DNAH8: variants seen among roughly 807,000 people sequenced by gnomAD.
The protein encoded by DNAH8 is axonemal beta dynein heavy chain 8.
A neutral mutation model predicts 562.1 loss-of-function variants in DNAH8; 382 were observed. The observed-to-expected ratio is 0.68, with a 90% CI of 0.63 to 0.74. The LOEUF (loss-of-function observed/expected upper bound fraction) is 0.74. Among genes scored for constraint, DNAH8 ranks in the 30% least tolerant of loss-of-function variants. The pLI is 0.00. For missense variants in DNAH8, 5,203 were observed against 5,620.4 expected, an observed-to-expected ratio of 0.93 and a Z score of 2.37; for synonymous variants, 1,881 against 1,919.4, an observed-to-expected ratio of 0.98 and a Z score of 0.52.
chr6:38,848,356 C>A lies in DNAH8; in HGVS notation c.5046-292C>A, dbSNP rs559913126. Among the ~76,000 whole-genome samples the A allele has an allele frequency of 1.9e-4, 29 of 152,246 alleles. No individual in the cohort carries two copies. The South Asian group carries it at 5.2e-3, about 27-fold the overall frequency. ...TTATTCCTTGCTTGGCATTTACTCC[C>A]AGAAGCAACCAGCACAGTTCCTTTG... On this transcript the variant is annotated intron_variant, in intron 36 of 92. Transcript: ENST00000327475.
At position 38,791,785 on chromosome 6, in the gene DNAH8, T is replaced by TG. The variant is rs1390898447; in HGVS notation, c.2901+111_2901+112insG. 1.8e-5 allele frequency: 20 copies of TG among 1,098,068 alleles called. No homozygotes were observed. In the South Asian group the frequency reaches 1.8e-4, roughly 10 times the overall value. The allele number at this position is 1,098,068 out of a possible 1,614,324, so 68.0% of individuals were successfully genotyped here. A position where few individuals can be genotyped will look rare whatever the true frequency, so the allele number is the denominator to read the frequency against. On this transcript the variant is annotated intron_variant, in intron 21 of 92. Transcript: ENST00000327475. The stretch of plus-strand genomic sequence containing the variant: ...TGGGTCAGTAGCATTTAGACTTTTT[T>TG]TTTTTGTTTTTTGTGAACATTCTCT...
intron 82 of DNAH8, among the ~76,000 whole-genome samples, chr6:38,954,335 G>A (rs2150644692): frequency 6.6e-6 from 1 of 152,200 alleles, no homozygotes; most frequent in Middle Eastern, 3.4e-3. Context: ...GTAGTAGTGG[G>A]AAAACTGATA....
At chr6:38,904,302 A>G (rs926132663) in intron 62 of DNAH8, among the ~76,000 whole-genome samples, 2 of 152,178 alleles carry the variant, frequency 1.3e-5, no homozygotes, top group Non-Finnish European at 2.9e-5. Flanking sequence ...TAGAAGTCTC[A>G]GTAGAGAGGA....
At chr6:38,875,564 A>G (rs779428931) in intron 52 of DNAH8, 27 bp from the exon 53 acceptor site, 2 of 1,334,050 alleles carry the variant, frequency 1.5e-6, no homozygotes, top group Non-Finnish European at 2.0e-6. Context: ...TTAATTTAAA[A>G]ATTTATTTTA....
intron 88 of DNAH8, among the ~76,000 whole-genome samples, chr6:39,006,359 A>G (rs1765799655): frequency 6.6e-6 from 1 of 152,202 alleles, no homozygotes; most frequent in Non-Finnish European, 1.5e-5. Context: ...TCATGTTTAT[A>G]GTTTCCTCTT....
At chr6:38,993,279 A>G (rs1764913402) in intron 88 of DNAH8, among the ~76,000 whole-genome samples, 1 of 152,208 alleles carries the variant, frequency 6.6e-6, no homozygotes, top group Non-Finnish European at 1.5e-5. Context: ...GTAGAGGTCA[A>G]GATTTCTTTG....
chr6:38,929,741 A>C lies in DNAH8; in HGVS notation c.11274+75A>C, dbSNP rs146583238. 1.2e-3 allele frequency: 1,561 copies of C among 1,329,846 alleles called. 15 individuals carry two copies. The African/African-American group carries it at 0.018, about 15-fold the overall frequency. 82.4% of individuals were successfully genotyped at this position (1,329,846 alleles called of 1,614,324 possible). ...GAAAAAAAGAAAAAAATTAAGAAAG[A>C]GAAAGAAAGAAAAGAACAATGGTGA... is the stretch of plus-strand genomic sequence containing the variant. On this transcript the variant is annotated intron_variant, in intron 75 of 92. Coordinates refer to ENST00000327475, the MANE Select transcript of DNAH8 (RefSeq NM_001206927.2).
chr6:38,925,875 T>A lies in DNAH8; in HGVS notation c.10963-180T>A, dbSNP rs763576214. On this transcript the variant is annotated intron_variant, in intron 73 of 92. Coordinates refer to ENST00000327475, the MANE Select transcript of DNAH8 (RefSeq NM_001206927.2). ...ATTAGATAATAAATTTGTTTTTTTT[T>A]AATGTGAATGTTATTTGGTTCACAT... is the stretch of plus-strand genomic sequence containing the variant. 2.0e-5 allele frequency among the ~76,000 whole-genome samples: 3 copies of A among 152,226 alleles called. No homozygotes were observed. The South Asian group carries it at 6.2e-4, about 32-fold the overall frequency.
intron 39 of DNAH8, 87 bp downstream of exon 39, chr6:38,851,761 C>A: frequency 1.1e-6 from 1 of 874,708 alleles, no homozygotes. Flanking sequence ...CTTAAAAATG[C>A]AGGCAGGAAA....
intron 6 of DNAH8, 128 bp from the exon 7 acceptor site, chr6:38,737,681 A>G: frequency 3.1e-6 from 1 of 326,086 alleles, no homozygotes; most frequent in Non-Finnish European, 5.0e-6. Context: ...GCTTAAAAGT[A>G]CACATTGACT....
In DNAH8 at chr6:38,852,680, C is replaced by T. The variant is rs776297013; in HGVS notation, c.5467-14C>T. 6.3e-6 allele frequency: 10 copies of T among 1,596,180 alleles called. No homozygotes were observed. The highest frequency in any genetic ancestry group is 8.6e-6 in the Non-Finnish European group (10 of 1,168,056). ...TGTCCAGCCTCATGTGTGACGTTTT[C>T]CTCTGTCTTACAGCCGCATCTCCCT... On this transcript the variant is annotated splice_polypyrimidine_tract_variant and intron_variant, in intron 39 of 92. Transcript: ENST00000327475.
At chr6:38,978,785 T>C (rs1763839853) in intron 85 of DNAH8, among the ~76,000 whole-genome samples, 1 of 152,224 alleles carries the variant, frequency 6.6e-6, no homozygotes. Context: ...ATCAGTGTTC[T>C]AAGGAGTTTT....
chr6:38,990,432 C>T (rs1054217421), intron 88 of DNAH8, among the ~76,000 whole-genome samples: 2 of 152,186 alleles, frequency 1.3e-5, no homozygotes, highest in African/African-American at 4.8e-5. Context: ...TCTGTCATGT[C>T]ATAAAACGAG....
intron 65 of DNAH8, among the ~76,000 whole-genome samples, chr6:38,910,149 G>A (rs1561849714): frequency 6.6e-6 from 1 of 152,176 alleles, no homozygotes; most frequent in Non-Finnish European, 1.5e-5. Flanking sequence ...TGTTAAAGGA[G>A]TATTTAGAAT....
chr6:38,875,705 C>A lies in DNAH8; in HGVS notation c.7735C>A (p.Leu2579Met). The change falls in exon 53 of 93, where the codon CTG (leucine) becomes ATG (methionine). Residue 2579 changes from leucine (L) to methionine (M), a missense_variant. Around this residue, in one of 6 missense-constraint regions of DNAH8, gnomAD observed 977 missense variants for 1,061.8 expected, o/e 0.92. Coordinates refer to ENST00000327475, the MANE Select transcript of DNAH8 (RefSeq NM_001206927.2). ...CCTAATGTGGAGTTTAGGAGCCCTT[C>A]TGGAATTAGAAAGCAGAGAAAAGCT... Reference protein sequence around the residue: ...FGLMWSLGALLELESREKLEA... With the variant: ...FGLMWSLGALMELESREKLEA... 1 of 1,613,918 alleles carries A rather than the reference C, an allele frequency of 6.2e-7. No individual in the cohort carries two copies. Among genetic ancestry groups the A allele is most frequent in the Admixed American group, 1.7e-5 (1 of 60,006 alleles).
In DNAH8 at chr6:38,779,984, T is replaced by C. The variant is rs1768422877; in HGVS notation, c.2058T>C (p.Ile686=). The stretch of plus-strand genomic sequence containing the variant: ...CTTTTAGGTTTCAGAAGCTGAACAT[T>C]CCCTGTCTGGGATTAGAAATAAACC... ...QLLQRFQKLN[I]PCLGLEINHT... is the part of the protein sequence containing the mutation. The change falls in exon 15 of 93, where the codon ATT becomes ATC. Residue 686 remains isoleucine (I), a synonymous_variant. Transcript: ENST00000327475. The C allele has an allele frequency of 6.2e-7, 1 of 1,613,928 alleles. No homozygotes were observed. The highest frequency in any genetic ancestry group is 1.7e-5 in the Admixed American group (1 of 59,994).
chr6:38,809,258 A>G (rs888896371), intron 24 of DNAH8, among the ~76,000 whole-genome samples: 5 of 151,728 alleles, frequency 3.3e-5, no homozygotes, highest in Admixed American at 6.6e-5. Context: ...TTCATTTTCC[A>G]TTGCTGAGTT....
chr6:38,941,933 G>A (rs74350087), intron 79 of DNAH8, among the ~76,000 whole-genome samples: 81 of 152,260 alleles, frequency 5.3e-4, no homozygotes, highest in Middle Eastern at 3.4e-3. Flanking sequence ...TAGCATGTGA[G>A]GCCTTTGGAA....
chr6:38,755,155 C>T (rs572464341), intron 9 of DNAH8, among the ~76,000 whole-genome samples: 3 of 152,208 alleles, frequency 2.0e-5, no homozygotes, highest in Admixed American at 2.0e-4. Context: ...GATTCCTCAT[C>T]TTGGGTGTCT....
Sources: allele counts gnomAD v4.1 joint callset (sites outside exome capture counted in the v4.1 genomes callset), GRCh38; gene constraint gnomAD v4.1.1; regional missense constraint gnomAD v4.1.1; transcripts MANE v1.5; gene names NCBI Gene and HGNC (gene_info 2026-07-23, HGNC 2026-07-21).